Variants in BMPR1B observed in about 807,000 individuals in gnomAD.
BMPR1B encodes bone morphogenetic protein receptor type 1B, also known as bone morphogenetic protein receptor type-1B.
Under a neutral mutation model 59.1 loss-of-function variants are expected in BMPR1B, and 12 were observed. The observed-to-expected ratio is 0.20, with a 90% CI of 0.13 to 0.33. BMPR1B has a LOEUF of 0.33. Among genes scored for constraint, BMPR1B ranks in the 10% least tolerant of loss-of-function variants. BMPR1B has a pLI of 1.00. For synonymous variants in BMPR1B, 237 were observed against 207.3 expected (o/e 1.14, Z -1.23); for missense variants, 550 against 610.9 (o/e 0.90, Z 1.05).
chr4:94,967,346 C>A (rs1032199831), intron 2 of BMPR1B, among the ~76,000 whole-genome samples: 4 of 152,130 alleles, frequency 2.6e-5, no homozygotes, highest in African/African-American at 9.7e-5. Context: ...ACAAATACGA[C>A]CCTGTTGTTA....
intron 1 of BMPR1B, among the ~76,000 whole-genome samples, chr4:94,873,744 A>G (rs1317262602): frequency 1.3e-5 from 2 of 152,248 alleles, no homozygotes; most frequent in South Asian, 2.1e-4. Context: ...CCTGTGTGTT[A>G]TGTGTCTTAT....
intron 1 of BMPR1B, among the ~76,000 whole-genome samples, chr4:94,797,919 T>C (rs1390564753): frequency 6.6e-6 from 1 of 152,214 alleles, no homozygotes; most frequent in Non-Finnish European, 1.5e-5. Context: ...TGAGGACTGT[T>C]TGCCATAGTA....
intron 1 of BMPR1B, among the ~76,000 whole-genome samples, chr4:94,811,194 G>A (rs4490463): frequency 0.57 from 86,461 of 152,032 alleles, 24,800 homozygotes; most frequent in Middle Eastern, 0.67. Context: ...ATAAAGTCCA[G>A]AACAGGTTTT....
chr4:94,790,522 C>T lies in BMPR1B; in HGVS notation c.-183+32454C>T, dbSNP rs528350592. On this transcript the variant is annotated intron_variant, in intron 1 of 12. Transcript: ENST00000515059. Reference sequence around the variant, plus strand: ...TTCTTGCTGCCTTCTCCCTTTTCCCCGGCGTTCTCAGCCCCGCCTAGATCT... The same window carrying T: ...TTCTTGCTGCCTTCTCCCTTTTCCCTGGCGTTCTCAGCCCCGCCTAGATCT... Among the ~76,000 whole-genome samples the T allele has an allele frequency of 4.7e-4, 71 of 152,202 alleles. No homozygotes were observed. The South Asian group carries it at 9.3e-3, about 20-fold the overall frequency.
At chr4:94,778,776 T>G (rs1031639329) in intron 1 of BMPR1B, among the ~76,000 whole-genome samples, 8 of 152,216 alleles carry the variant, frequency 5.3e-5, no homozygotes, top group Admixed American at 4.6e-4. Context: ...TTAATGATGA[T>G]GAGCCATATT....
intron 3 of BMPR1B, among the ~76,000 whole-genome samples, chr4:95,080,547 C>T (rs1729058562): frequency 6.6e-6 from 1 of 152,076 alleles, no homozygotes; most frequent in South Asian, 2.1e-4. Flanking sequence ...AAAATATTTA[C>T]AAATTTTATA....
intron 2 of BMPR1B, among the ~76,000 whole-genome samples, chr4:94,881,323 A>G (rs72887873): frequency 0.035 from 5,386 of 152,126 alleles, 311 homozygotes; most frequent in African/African-American, 0.12. Context: ...ATTTAGAAGC[A>G]TGTTTCTTGT....
intron 2 of BMPR1B, among the ~76,000 whole-genome samples, chr4:94,947,983 A>C (rs887477448): frequency 6.6e-6 from 1 of 152,176 alleles, no homozygotes; most frequent in South Asian, 2.1e-4. Context: ...GACTGCTATT[A>C]TGTGTTAAGT....
intron 2 of BMPR1B, among the ~76,000 whole-genome samples, chr4:94,931,794 A>C (rs1729101645): frequency 6.6e-6 from 1 of 152,118 alleles, no homozygotes; most frequent in Admixed American, 6.6e-5. Context: ...GGGCAAGCAG[A>C]GTACCCTGTC....
At chr4:94,911,485 C>T (rs1480266417) in intron 2 of BMPR1B, among the ~76,000 whole-genome samples, 1 of 152,128 alleles carries the variant, frequency 6.6e-6, no homozygotes, top group Non-Finnish European at 1.5e-5. Context: ...CTACAAGCAA[C>T]TTGATTTTCC....
At chr4:94,997,564 T>C (rs1360270510) in intron 3 of BMPR1B, among the ~76,000 whole-genome samples, 3 of 152,238 alleles carry the variant, frequency 2.0e-5, no homozygotes, top group Non-Finnish European at 4.4e-5. Context: ...GCTAATCTAA[T>C]TGATAGCTTA....
intron 3 of BMPR1B, among the ~76,000 whole-genome samples, chr4:95,101,880 G>C (rs576366949): frequency 1.3e-5 from 2 of 151,850 alleles, no homozygotes; most frequent in Non-Finnish European, 2.9e-5. Flanking sequence ...TGCTTTTCAG[G>C]CTTTTATTTT....
At chr4:95,123,500 T>C (rs1732676323) in intron 6 of BMPR1B, among the ~76,000 whole-genome samples, 1 of 152,192 alleles carries the variant, frequency 6.6e-6, no homozygotes, top group South Asian at 2.1e-4. Flanking sequence ...CCTGTTTCTA[T>C]TGTGGGTGCA....
intron 2 of BMPR1B, among the ~76,000 whole-genome samples, chr4:94,920,098 TA>T (rs1728632938): frequency 6.6e-6 from 1 of 152,158 alleles, no homozygotes; most frequent in Non-Finnish European, 1.5e-5. Context: ...CTTTATATGA[TA>T]TTTAAAAATG....
chr4:94,783,872 G>T (rs1164927353), intron 1 of BMPR1B, among the ~76,000 whole-genome samples: 1 of 152,110 alleles, frequency 6.6e-6, no homozygotes, highest in Non-Finnish European at 1.5e-5. Flanking sequence ...GAGAAGTGCT[G>T]GTGGCCCCTC....
intron 2 of BMPR1B, among the ~76,000 whole-genome samples, chr4:94,973,152 A>G (rs1730881258): frequency 6.6e-6 from 1 of 152,208 alleles, no homozygotes; most frequent in Non-Finnish European, 1.5e-5. Flanking sequence ...GAAACCCCAG[A>G]GGGTGTGTTG....
intron 6 of BMPR1B, among the ~76,000 whole-genome samples, chr4:95,120,625 C>CCTTT (rs938827166): frequency 7.3e-6 from 1 of 136,190 alleles, no homozygotes; most frequent in African/African-American, 3.4e-5. Flanking sequence ...TTCCTTCCTT[C>CCTTT]CTTCCTTCCT....
chr4:94,998,563 G>A (rs191696461), intron 3 of BMPR1B, among the ~76,000 whole-genome samples: 216 of 152,064 alleles, frequency 1.4e-3, no homozygotes, highest in Non-Finnish European at 2.2e-3. Flanking sequence ...AGTAAATATA[G>A]GGTTTCTCCA....
At chr4:95,049,697 T>C (rs1295858749) in intron 3 of BMPR1B, among the ~76,000 whole-genome samples, 1 of 151,776 alleles carries the variant, frequency 6.6e-6, no homozygotes, top group African/African-American at 2.4e-5. Context: ...CAATTCGTCT[T>C]TCAGCATCCA....
Sources: allele counts gnomAD v4.1 joint callset (sites outside exome capture counted in the v4.1 genomes callset), GRCh38; gene constraint gnomAD v4.1.1; transcripts MANE v1.5; gene names NCBI Gene and HGNC (gene_info 2026-07-23, HGNC 2026-07-21).